The following CAP2 variants were observed in gnomAD, a reference collection of about 807,000 sequenced individuals.
CAP2 encodes the protein adenylyl cyclase-associated protein 2.
Under a neutral mutation model 57.7 loss-of-function variants are expected in CAP2, and 24 were observed. The ratio of observed to expected loss-of-function variants is 0.42; its 90% CI spans 0.30 to 0.58. CAP2 has a LOEUF of 0.58. Ranked by LOEUF, CAP2 falls within the 20% of genes least tolerant of loss-of-function variation. The pLI is 0.22. For synonymous variants in CAP2, 194 were observed against 207.2 expected (o/e 0.94, Z 0.55); for missense variants, 501 against 590.3 (o/e 0.85, Z 1.57).
chr6:17,448,686 A>G (rs1760325161), intron 3 of CAP2, among the ~76,000 whole-genome samples: 1 of 151,998 alleles, frequency 6.6e-6, no homozygotes, highest in African/African-American at 2.4e-5. Flanking sequence ...TTCTGCACAT[A>G]CTGTTTCTGT....
At position 17,459,460 on chromosome 6, in the gene CAP2, G is replaced by A. The variant is rs1310235863; in HGVS notation, c.223-3536G>A. ...TTAAAATATGTGCAAGATGGAAAGAGCCAATGTGGCAGCTACAAGTAATGT... is the reference window on the plus strand; with the variant it reads ...TTAAAATATGTGCAAGATGGAAAGAACCAATGTGGCAGCTACAAGTAATGT... On this transcript the variant is annotated intron_variant, in intron 3 of 12. Transcript: ENST00000229922. Among the ~76,000 whole-genome samples the A allele has an allele frequency of 2.0e-5, 3 of 152,320 alleles. No homozygotes were observed. The East Asian group carries it at 5.8e-4, about 29-fold the overall frequency.
At chr6:17,420,882 G>T (rs182993343) in intron 1 of CAP2, among the ~76,000 whole-genome samples, 1 of 152,062 alleles carries the variant, frequency 6.6e-6, no homozygotes, top group South Asian at 2.1e-4. Context: ...TGAATTTCAC[G>T]TATTTTTCTG....
At chr6:17,507,091 G>A in intron 4 of CAP2, 78 bp from the exon 5 acceptor site, 1 of 1,491,298 alleles carries the variant, frequency 6.7e-7, no homozygotes, top group Non-Finnish European at 9.3e-7. Context: ...GAATTCTCCT[G>A]CTTAGGCCAA....
At chr6:17,430,648 C>T (rs1287014621) in intron 3 of CAP2, among the ~76,000 whole-genome samples, 1 of 151,824 alleles carries the variant, frequency 6.6e-6, no homozygotes, top group Non-Finnish European at 1.5e-5. Flanking sequence ...AAGCGATTCT[C>T]CTGTCTCAGC....
intron 11 of CAP2, among the ~76,000 whole-genome samples, chr6:17,549,324 A>G (rs1023370943): frequency 1.3e-5 from 2 of 152,144 alleles, no homozygotes; most frequent in African/African-American, 4.8e-5. Flanking sequence ...TTAGCCGGGC[A>G]TGGTGACGCA....
At chr6:17,543,624 C>CAAAAAAAAAA (rs66747239) in intron 11 of CAP2, among the ~76,000 whole-genome samples, 5 of 83,914 alleles carry the variant, frequency 6.0e-5, no homozygotes, top group Middle Eastern at 7.8e-3. Context: ...GACTCCATCT[C>CAAAAAAAAAA]AAAAAAAAAA....
intron 4 of CAP2, among the ~76,000 whole-genome samples, chr6:17,498,840 T>C (rs1276582729): frequency 6.6e-6 from 1 of 152,080 alleles, no homozygotes; most frequent in Non-Finnish European, 1.5e-5. Flanking sequence ...GCCATTCTCC[T>C]GCCTCAGCCT....
intron 1 of CAP2, among the ~76,000 whole-genome samples, chr6:17,419,204 G>C (rs1759364699): frequency 1.3e-5 from 2 of 152,096 alleles, no homozygotes; most frequent in African/African-American, 4.8e-5. Context: ...CAAAACTGAC[G>C]GACTACAAAA....
intron 3 of CAP2, among the ~76,000 whole-genome samples, chr6:17,453,657 G>A (rs1214584455): frequency 6.6e-6 from 1 of 152,198 alleles, no homozygotes; most frequent in Non-Finnish European, 1.5e-5. Flanking sequence ...GGGATGGAGA[G>A]TGTCATTGAG....
chr6:17,492,286 G>A (rs1177955867), intron 4 of CAP2, among the ~76,000 whole-genome samples: 1 of 151,684 alleles, frequency 6.6e-6, no homozygotes, highest in African/African-American at 2.4e-5. Context: ...TTTGTATTTT[G>A]GGGTCACCAA....
chr6:17,452,966 T>G (rs749780361), intron 3 of CAP2, among the ~76,000 whole-genome samples: 1 of 152,224 alleles, frequency 6.6e-6, no homozygotes, highest in Non-Finnish European at 1.5e-5. Context: ...GGGCCACATA[T>G]TTTAACTCAC....
At chr6:17,436,924 TTC>T (rs1318516789) in intron 3 of CAP2, among the ~76,000 whole-genome samples, 2 of 152,096 alleles carry the variant, frequency 1.3e-5, no homozygotes, top group African/African-American at 4.8e-5. Flanking sequence ...CGGCATTAGA[TTC>T]TCAGAGGAGC....
intron 12 of CAP2, among the ~76,000 whole-genome samples, chr6:17,555,338 T>G (rs10949430): frequency 0.59 from 89,241 of 150,048 alleles, 26,743 homozygotes; most frequent in African/African-American, 0.71. Flanking sequence ...GGGATTACAG[T>G]CATGCGCCAC....
At chr6:17,432,426 C>T (rs1759760198) in intron 3 of CAP2, among the ~76,000 whole-genome samples, 1 of 152,176 alleles carries the variant, frequency 6.6e-6, no homozygotes, top group South Asian at 2.1e-4. Context: ...ACTTGCTCTT[C>T]CCATGAACTT....
intron 1 of CAP2, among the ~76,000 whole-genome samples, chr6:17,410,078 C>T (rs571107065): frequency 6.6e-6 from 1 of 152,280 alleles, no homozygotes; most frequent in South Asian, 2.1e-4. Context: ...CGGTGGGATG[C>T]CTTTACTTAT....
At chr6:17,532,791 T>C (rs1164682028) in intron 7 of CAP2, among the ~76,000 whole-genome samples, 2 of 144,026 alleles carry the variant, frequency 1.4e-5, no homozygotes, top group East Asian at 2.1e-4. Flanking sequence ...TGGCCAGGCG[T>C]GGTGGCTCAC....
In CAP2 at chr6:17,503,615, A is replaced by AC. The variant is rs1370102416; in HGVS notation, c.301-3554_301-3553insC. ...GCAAAACTCTATCTCAAAAAAAAAA[A>AC]AAAAAAAAAAGACACCAGTCATATT... On this transcript the variant is annotated intron_variant, in intron 4 of 12. Transcript: ENST00000229922. 1.8e-4 allele frequency among the ~76,000 whole-genome samples: 28 copies of AC among 151,874 alleles called. 1 individual carries two copies. The highest frequency in any genetic ancestry group is 6.0e-4 in the African/African-American group (25 of 41,448).
intron 3 of CAP2, among the ~76,000 whole-genome samples, chr6:17,446,082 T>C (rs1001000728): frequency 6.6e-6 from 1 of 152,210 alleles, no homozygotes; most frequent in Non-Finnish European, 1.5e-5. Flanking sequence ...TTTTTACTTA[T>C]TTTACAAAGG....
chr6:17,511,168 T>C (rs1403594044), intron 6 of CAP2, among the ~76,000 whole-genome samples: 2 of 152,146 alleles, frequency 1.3e-5, no homozygotes, highest in Non-Finnish European at 2.9e-5. Context: ...GTTTTACTGC[T>C]AGGAGTAGTC....
Sources: allele counts gnomAD v4.1 joint callset (sites outside exome capture counted in the v4.1 genomes callset), GRCh38; gene constraint gnomAD v4.1.1; transcripts MANE v1.5; gene names NCBI Gene and HGNC (gene_info 2026-07-23, HGNC 2026-07-21).